Variants in SIM2 observed in about 807,000 individuals in gnomAD.
SIM2 encodes SIM bHLH transcription factor 2.
In SIM2, 28 loss-of-function variants were observed where a neutral mutation model predicts 64.8. The observed-to-expected ratio is 0.43, with a 90% CI of 0.32 to 0.59. SIM2 has a LOEUF of 0.59. SIM2 is among the 20% of genes least tolerant of loss of function. The pLI is 0.07. For synonymous variants in SIM2, 408 were observed against 391.1 expected (o/e 1.04, Z -0.51); for missense variants, 847 against 871.4 (o/e 0.97, Z 0.35).
In SIM2 at chr21:36,744,765, G is replaced by T. The variant is rs761929874; in HGVS notation, c.1205G>T (p.Gly402Val). Residue 402 changes from glycine to valine, a missense_variant, in exon 10 of 11, where the codon GGC becomes GTC. This residue lies in a region of SIM2 where 447 missense variants were observed against 414.6 expected (regional missense o/e 1.08). Coordinates refer to ENST00000290399, the MANE Select transcript of SIM2 (RefSeq NM_005069.6). Reference sequence around the variant, plus strand: ...TTCCAAATGGACAAACTGGAATGCGGCCAGCTCGGAAACTGGAGAGCCAGT... The same window carrying T: ...TTCCAAATGGACAAACTGGAATGCGTCCAGCTCGGAAACTGGAGAGCCAGT... ...SSFQMDKLEC[G>V]QLGNWRASPP... The T allele has an allele frequency of 5.6e-6, 9 of 1,610,958 alleles. No homozygotes were observed. In the East Asian group the frequency reaches 1.8e-4, roughly 32 times the overall value.
In SIM2 at chr21:36,720,592, T is replaced by C. The variant is rs2088812231; in HGVS notation, c.457+663T>C. The C allele has an allele frequency of 3.3e-5, 5 of 152,270 alleles. No individual in the cohort carries two copies. In the South Asian group the frequency reaches 8.3e-4, roughly 25 times the overall value. The allele number at this position is 152,270 out of a possible 1,614,324, so 9.4% of individuals were successfully genotyped here. A position where few individuals can be genotyped will look rare whatever the true frequency, so the allele number is the denominator to read the frequency against. On this transcript the variant is annotated intron_variant, in intron 4 of 10. Coordinates refer to ENST00000290399, the MANE Select transcript of SIM2 (RefSeq NM_005069.6). Reference sequence around the variant, plus strand: ...AGCAGCACATTTATATCCGTATCACTGTGTTGAAATATTTTGATAATTATT... The same window carrying C: ...AGCAGCACATTTATATCCGTATCACCGTGTTGAAATATTTTGATAATTATT...
At chr21:36,743,915 C>T (rs903210234) in intron 9 of SIM2, among the ~76,000 whole-genome samples, 5 of 152,124 alleles carry the variant, frequency 3.3e-5, no homozygotes, top group Non-Finnish European at 7.3e-5. Context: ...AAATGAAAGC[C>T]CTCCCTCTTT....
intron 5 of SIM2, among the ~76,000 whole-genome samples, chr21:36,725,196 A>T (rs1326655547): frequency 6.6e-6 from 1 of 152,078 alleles, no homozygotes; most frequent in Non-Finnish European, 1.5e-5. Flanking sequence ...AAATTTTTTA[A>T]AAAATTAGCC....
intron 5 of SIM2, among the ~76,000 whole-genome samples, chr21:36,724,563 G>A (rs1268474220): frequency 6.6e-6 from 1 of 152,216 alleles, no homozygotes; most frequent in East Asian, 1.9e-4. Flanking sequence ...ACAGACAGGA[G>A]CCACCGCGCC....
In SIM2 at chr21:36,745,156, G is replaced by A. The variant is rs779310089; in HGVS notation, c.1576+20G>A. The A allele has an allele frequency of 1.3e-6, 2 of 1,598,082 alleles. No individual in the cohort carries two copies. Among genetic ancestry groups the A allele is most frequent in the Middle Eastern group, 1.6e-4 (1 of 6,064 alleles). ...ACGAAGGTGGGTCAGGTCTGCTCGT[G>A]GGGAAGGTGGGAGGACTGCGCACGG... On this transcript the variant is annotated intron_variant, in intron 10 of 10. Transcript: ENST00000290399. The surrounding 1 kb of genome is among the most constrained non-coding windows in gnomAD (Gnocchi z 4.8).
chr21:36,711,277 T>C (rs1383596935), intron 2 of SIM2, among the ~76,000 whole-genome samples: 1 of 152,256 alleles, frequency 6.6e-6, no homozygotes, highest in Non-Finnish European at 1.5e-5. Context: ...TAAGCAAGCA[T>C]GCCAAATGCG....
intron 1 of SIM2, among the ~76,000 whole-genome samples, chr21:36,704,671 G>A (rs896170473): frequency 5.3e-5 from 8 of 152,354 alleles, no homozygotes; most frequent in African/African-American, 1.9e-4. Context: ...CAGCTGCTGG[G>A]GCGGCGTCCG....
chr21:36,730,349 T>G (rs2088950146), intron 6 of SIM2, among the ~76,000 whole-genome samples: 1 of 152,204 alleles, frequency 6.6e-6, no homozygotes, highest in Non-Finnish European at 1.5e-5. Context: ...CTTGGAAACA[T>G]CATGCTGAGT....
At chr21:36,712,401 A>G (rs1161733694) in intron 2 of SIM2, 132 bp from the exon 3 acceptor site, 1 of 629,104 alleles carries the variant, frequency 1.6e-6, no homozygotes, top group Non-Finnish European at 2.7e-6. Flanking sequence ...CCTGGGCTTC[A>G]TTTTTGCATT....
At chr21:36,736,597 G>A (rs573369790) in intron 7 of SIM2, among the ~76,000 whole-genome samples, 2 of 152,276 alleles carry the variant, frequency 1.3e-5, no homozygotes, top group East Asian at 1.9e-4. Flanking sequence ...GAGGTCAGGC[G>A]AGGGGGCACC....
intron 9 of SIM2, among the ~76,000 whole-genome samples, chr21:36,744,277 A>G (rs147418572): frequency 2.6e-3 from 365 of 141,392 alleles, no homozygotes; most frequent in African/African-American, 8.4e-3. Context: ...ATTAGCAGAT[A>G]GACCAGTTGA....
chr21:36,736,473 G>A (rs115813922), intron 7 of SIM2, among the ~76,000 whole-genome samples: 84 of 152,332 alleles, frequency 5.5e-4, no homozygotes, highest in African/African-American at 1.9e-3. Context: ...AGAGTCCACA[G>A]GGGCTGAAGA....
chr21:36,712,152 C>T (rs1167950702), intron 2 of SIM2, among the ~76,000 whole-genome samples: 1 of 152,168 alleles, frequency 6.6e-6, no homozygotes, highest in East Asian at 1.9e-4. Flanking sequence ...ATAAAATGGT[C>T]TATATAGTGG....
intron 6 of SIM2, among the ~76,000 whole-genome samples, chr21:36,730,838 C>T (rs2123473379): frequency 6.6e-6 from 1 of 152,238 alleles, no homozygotes. Flanking sequence ...TTCAGAAGAA[C>T]ATTCCCATTC....
intron 4 of SIM2, among the ~76,000 whole-genome samples, chr21:36,721,464 G>A (rs1192449796): frequency 1.3e-5 from 2 of 152,140 alleles, no homozygotes; most frequent in African/African-American, 4.8e-5. Context: ...TGGAGTTGGA[G>A]TTTCATTCTT....
At chr21:36,718,226 G>A (rs1329903982) in intron 3 of SIM2, among the ~76,000 whole-genome samples, 1 of 152,164 alleles carries the variant, frequency 6.6e-6, no homozygotes, top group South Asian at 2.1e-4. Context: ...AACTGGCTCA[G>A]AGGAGTGCGA....
chr21:36,748,228 G>A lies in SIM2; in HGVS notation c.*136G>A. ...GAATTGGACCCCGCCGCCGACTTGC[G>A]GATTTCCACCGCGGAGGCCCCGCGC... On this transcript the variant is annotated 3_prime_UTR_variant, in exon 11 of 11. Transcript: ENST00000290399. 2.2e-6 allele frequency: 1 copy of A among 447,804 alleles called. No individual in the cohort carries two copies. Among genetic ancestry groups the A allele is most frequent in the Non-Finnish European group, 3.1e-6 (1 of 320,216 alleles). 27.7% of individuals were successfully genotyped at this position (447,804 alleles called of 1,614,324 possible).
chr21:36,717,450 CTTT>C (rs528248816), intron 3 of SIM2, among the ~76,000 whole-genome samples: 4 of 134,772 alleles, frequency 3.0e-5, no homozygotes, highest in South Asian at 2.4e-4. Flanking sequence ...TCTTTCTTTT[CTTT>C]TTTTTTTTTT....
At chr21:36,744,146 C>T (rs1156852875) in intron 9 of SIM2, among the ~76,000 whole-genome samples, 1 of 151,946 alleles carries the variant, frequency 6.6e-6, no homozygotes, top group Non-Finnish European at 1.5e-5. Context: ...ACAGGGAAAT[C>T]GCTTGAACCC....
Sources: allele counts gnomAD v4.1 joint callset (sites outside exome capture counted in the v4.1 genomes callset), GRCh38; gene constraint gnomAD v4.1.1; regional missense constraint gnomAD v4.1.1; non-coding constraint Gnocchi (gnomAD v3.1); transcripts MANE v1.5; gene names NCBI Gene and HGNC (gene_info 2026-07-23, HGNC 2026-07-21).